Variants in KLHDC4 observed in about 807,000 individuals in gnomAD.
KLHDC4 encodes kelch domain-containing protein 4.
In KLHDC4, 90 loss-of-function variants were observed where a neutral mutation model predicts 62.4. The observed-to-expected ratio is 1.44, with a 90% confidence interval of 1.22 to 1.72. The LOEUF is 1.72. Among genes scored for constraint, KLHDC4 ranks in the 40% most tolerant of loss-of-function variants. The pLI, the probability that KLHDC4 is intolerant of heterozygous loss-of-function variation, is 0.00. For synonymous variants in KLHDC4, 386 were observed against 284.4 expected (o/e 1.36, Z -3.59); for missense variants, 1,025 against 699.7 (o/e 1.47, Z -5.25).
At chr16:87,706,145 G>T, downstream of KLHDC4, among the ~76,000 whole-genome samples, 1 of 146,514 alleles carries the variant, frequency 6.8e-6, no homozygotes. Context: ...GCCCTCGCGG[G>T]GGGGTCAGCG....
chr16:87,742,838 G>T (rs1332359026), intron 5 of KLHDC4, among the ~76,000 whole-genome samples: 2 of 152,246 alleles, frequency 1.3e-5, no homozygotes, highest in African/African-American at 4.8e-5. Context: ...TCAAAACACG[G>T]CCCCTCCAGA....
chr16:87,734,403 G>A (rs763645059), intron 5 of KLHDC4, among the ~76,000 whole-genome samples: 10 of 152,116 alleles, frequency 6.6e-5, no homozygotes, highest in Non-Finnish European at 1.3e-4. Flanking sequence ...GGAAGCTTGA[G>A]TGATCTAATC....
chr16:87,702,097 C>T (rs2034171000), exon 1 of KLHDC4: 1 of 456,232 alleles, frequency 2.2e-6, no homozygotes, highest in African/African-American at 2.0e-5. Context: ...ATCAGAACAG[C>T]CTTCGGGTCC....
At chr16:87,706,737 G>A (rs1376924368), downstream of KLHDC4, among the ~76,000 whole-genome samples, 19 of 152,142 alleles carry the variant, frequency 1.2e-4, no homozygotes, top group Admixed American at 9.2e-4. Flanking sequence ...AGCTCAGCAC[G>A]TGCCCTGCTG....
chr16:87,742,118 A>C (rs1388288297), intron 5 of KLHDC4, among the ~76,000 whole-genome samples: 1 of 152,130 alleles, frequency 6.6e-6, no homozygotes, highest in African/African-American at 2.4e-5. Context: ...CAGAGGAAAA[A>C]CAGCCAGAGT....
chr16:87,734,869 T>C (rs74519147), intron 5 of KLHDC4, among the ~76,000 whole-genome samples: 1,894 of 151,936 alleles, frequency 0.012, 34 homozygotes, highest in African/African-American at 0.04. Flanking sequence ...TGAGAGTCAA[T>C]TGAGAAGAAA....
intron 5 of KLHDC4, among the ~76,000 whole-genome samples, chr16:87,735,261 C>T (rs1430620256): frequency 6.7e-6 from 1 of 150,002 alleles, no homozygotes; most frequent in Non-Finnish European, 1.5e-5. Context: ...GATCGCACCA[C>T]TGCACTCCAG....
intron 1 of KLHDC4, chr16:87,765,077 G>C (rs376396525): frequency 6.6e-6 from 3 of 455,566 alleles, no homozygotes; most frequent in South Asian, 3.1e-5. Context: ...TGCTCGTGAG[G>C]AGTAAAGCCC....
chr16:87,712,426 G>T (rs905359710), intron 8 of KLHDC4, among the ~76,000 whole-genome samples: 1 of 152,252 alleles, frequency 6.6e-6, no homozygotes, highest in African/African-American at 2.4e-5. Context: ...ACCACCACAA[G>T]AACTCGCCAC....
chr16:87,736,765 C>CT (rs2041382312), intron 5 of KLHDC4, among the ~76,000 whole-genome samples: 1 of 152,140 alleles, frequency 6.6e-6, no homozygotes, highest in Non-Finnish European at 1.5e-5. Context: ...AGGCACAGTC[C>CT]TTTTATGTGC....
exon 1 of KLHDC4, chr16:87,698,347 T>C (rs1483929031): frequency 6.6e-6 from 1 of 151,994 alleles, no homozygotes; most frequent in Non-Finnish European, 1.5e-5. Flanking sequence ...AGACCAGAAG[T>C]GAACCAAATA....
Position 87,765,573 on chromosome 16 carries a change from A to G in KLHDC4, c.99+219T>C, listed in dbSNP as rs76256664. On this transcript the variant is annotated intron_variant, in intron 1 of 11. Transcript: ENST00000270583. ...GAAAAGCAAGCACGTTAAAGGGGGCAGCTCCGAGAAGCGGACAGACACACG... is the reference window on the plus strand; with the variant it reads ...GAAAAGCAAGCACGTTAAAGGGGGCGGCTCCGAGAAGCGGACAGACACACG... 2.5e-3 allele frequency among the ~76,000 whole-genome samples: 381 copies of G among 152,230 alleles called. 21 individuals are homozygous for G. In the East Asian group the frequency reaches 0.062, roughly 25 times the overall value.
chr16:87,760,126 G>C (rs543865124), intron 2 of KLHDC4, among the ~76,000 whole-genome samples: 13 of 151,578 alleles, frequency 8.6e-5, no homozygotes, highest in Non-Finnish European at 1.8e-4. Flanking sequence ...CCTCCTATTA[G>C]GAAGCATTTC....
intron 9 of KLHDC4, 169 bp from the exon 10 acceptor site, chr16:87,709,836 G>T: frequency 1.4e-6 from 1 of 724,678 alleles, no homozygotes; most frequent in Non-Finnish European, 2.2e-6. Flanking sequence ...GCACTGGGCT[G>T]CAGGAGCACG....
intron 7 of KLHDC4, among the ~76,000 whole-genome samples, chr16:87,715,421 C>T (rs1489053746): frequency 1.3e-5 from 2 of 152,116 alleles, no homozygotes; most frequent in Non-Finnish European, 2.9e-5. Flanking sequence ...GACCCGTTAC[C>T]GGGAGCGTGG....
At chr16:87,729,805 C>A (rs892327622) in intron 6 of KLHDC4, among the ~76,000 whole-genome samples, 5 of 152,160 alleles carry the variant, frequency 3.3e-5, no homozygotes, top group African/African-American at 1.2e-4. Context: ...GTCCCCTGGC[C>A]AGCAACGTCA....
chr16:87,712,849 G>T (rs1334896183), intron 8 of KLHDC4, among the ~76,000 whole-genome samples: 1 of 152,214 alleles, frequency 6.6e-6, no homozygotes, highest in Non-Finnish European at 1.5e-5. Context: ...CCTGGCCTAG[G>T]CATTGGGTCT....
chr16:87,765,433 T>C, intron 1 of KLHDC4: 2 of 496,012 alleles, frequency 4.0e-6, no homozygotes, highest in South Asian at 3.1e-5. Flanking sequence ...ACCTCAGGTC[T>C]TCCTGTGCCA....
intron 3 of KLHDC4, 106 bp from the exon 4 acceptor site, chr16:87,755,398 G>C: frequency 1.5e-6 from 1 of 660,622 alleles, no homozygotes; most frequent in East Asian, 3.1e-5. Context: ...ACATGCTAAA[G>C]GAATGTAAAC....
Sources: allele counts gnomAD v4.1 joint callset (sites outside exome capture counted in the v4.1 genomes callset), GRCh38; gene constraint gnomAD v4.1.1; transcripts MANE v1.5; gene names NCBI Gene and HGNC (gene_info 2026-07-23, HGNC 2026-07-21).